Variants in KCTD1 observed in about 807,000 individuals in gnomAD.
The protein encoded by KCTD1 is potassium channel tetramerization domain containing 1.
Under a neutral mutation model 66.0 loss-of-function variants are expected in KCTD1, and 24 were observed. That is an observed-to-expected ratio of 0.36 (90% CI 0.26 to 0.51). The LOEUF (loss-of-function observed/expected upper bound fraction) is 0.51, where lower values mean the gene tolerates loss of function less well. Ranked by LOEUF, KCTD1 falls within the 20% of genes least tolerant of loss-of-function variation. KCTD1 has a pLI of 0.95. For missense variants in KCTD1, 943 were observed against 1,205.2 expected, an observed-to-expected ratio of 0.78 and a Z score of 3.22; for synonymous variants, 511 against 517.2, an observed-to-expected ratio of 0.99 and a Z score of 0.16.
chr18:26,649,235 CA>C (rs1421371537), intron 1 of KCTD1, among the ~76,000 whole-genome samples: 1 of 152,198 alleles, frequency 6.6e-6, no homozygotes, highest in Non-Finnish European at 1.5e-5. Context: ...CTTTTGGCAT[CA>C]AGTGCTCTCA....
At chr18:26,482,597 G>A (rs1297535160) in intron 2 of KCTD1, among the ~76,000 whole-genome samples, 3 of 152,164 alleles carry the variant, frequency 2.0e-5, no homozygotes, top group African/African-American at 4.8e-5. Context: ...CAATTCTGCC[G>A]AAGCTGTCTT....
At chr18:26,656,100 A>C (rs1013211809) in intron 1 of KCTD1, among the ~76,000 whole-genome samples, 3 of 152,000 alleles carry the variant, frequency 2.0e-5, no homozygotes, top group African/African-American at 7.2e-5. Context: ...GCCAAACTGA[A>C]TCCCTCCCGC....
intron 1 of KCTD1, among the ~76,000 whole-genome samples, chr18:26,590,712 G>C (rs577501929): frequency 6.6e-6 from 1 of 152,034 alleles, no homozygotes. Flanking sequence ...TATTGTTTAC[G>C]TTCCATTATG....
At position 26,455,724 on chromosome 18, in the gene KCTD1, G is replaced by T; in HGVS notation, c.*19C>A. 1 of 1,612,676 alleles carries T rather than the reference G, an allele frequency of 6.2e-7. No homozygotes were observed. The highest frequency in any genetic ancestry group is 8.5e-7 in the Non-Finnish European group (1 of 1,179,682). On this transcript the variant is annotated 3_prime_UTR_variant, in exon 5 of 5. Transcript: ENST00000580059. The stretch of plus-strand genomic sequence containing the variant: ...ATTGGTTGTGTGTGTTTTCCTTTTT[G>T]CATAAGAAATATGTCCATTTAGTCC...
rs774562209 is a variant in KCTD1 at position 26,476,483 on chromosome 18, A to T, written c.2133+32T>A. On this transcript the variant is annotated intron_variant, in intron 3 of 4. Coordinates refer to ENST00000580059, the MANE Select transcript of KCTD1 (RefSeq NM_001142730.3). The surrounding 1 kb of genome is among the most constrained non-coding windows in gnomAD (Gnocchi z 4.9). Reference sequence around the variant, plus strand: ...GAGCACATAAAAAAATCACATATTTATGCTATTGGTGATTTAACATGGATC... The same window carrying T: ...GAGCACATAAAAAAATCACATATTTTTGCTATTGGTGATTTAACATGGATC... 1.7e-5 allele frequency: 27 copies of T among 1,578,326 alleles called. No homozygotes were observed. The highest frequency in any genetic ancestry group is 2.3e-5 in the Non-Finnish European group (27 of 1,166,558).
At chr18:26,620,499 C>A (rs1471783531) in intron 1 of KCTD1, among the ~76,000 whole-genome samples, 2 of 127,316 alleles carry the variant, frequency 1.6e-5, no homozygotes, top group African/African-American at 3.1e-5. Context: ...TGTGGTGGTG[C>A]AATCACGGCT....
chr18:26,531,979 A>G (rs1362779218), intron 1 of KCTD1, among the ~76,000 whole-genome samples: 2 of 152,156 alleles, frequency 1.3e-5, no homozygotes, highest in Non-Finnish European at 2.9e-5. Flanking sequence ...AATGGGGGAG[A>G]AAGGCCTGAT....
At chr18:26,484,976 G>A (rs986482369) in intron 2 of KCTD1, among the ~76,000 whole-genome samples, 1 of 152,184 alleles carries the variant, frequency 6.6e-6, no homozygotes, top group Admixed American at 6.5e-5. Context: ...TGACCTGAGC[G>A]GGGTAGATAA....
At chr18:26,520,949 C>T (rs1983881755) in intron 1 of KCTD1, among the ~76,000 whole-genome samples, 1 of 152,248 alleles carries the variant, frequency 6.6e-6, no homozygotes, top group East Asian at 1.9e-4. Context: ...TAAGCCTTCT[C>T]ATGCTGTAAA....
chr18:26,640,485 TGA>T (rs1987813139), upstream of KCTD1: 1 of 152,174 alleles, frequency 6.6e-6, no homozygotes, highest in Admixed American at 6.6e-5. Context: ...GGAATGACAG[TGA>T]GAGGGGATGG....
chr18:26,650,957 A>T (rs944380403), intron 1 of KCTD1, among the ~76,000 whole-genome samples: 1 of 152,234 alleles, frequency 6.6e-6, no homozygotes, highest in African/African-American at 2.4e-5. Context: ...CAAGGGCTGA[A>T]TTGTTGTCAG....
At chr18:26,607,360 A>C (rs1021363666) in intron 1 of KCTD1, among the ~76,000 whole-genome samples, 19 of 152,192 alleles carry the variant, frequency 1.2e-4, no homozygotes, top group African/African-American at 4.1e-4. Context: ...TCACACCTCT[A>C]TTATAGCATG....
At chr18:26,543,552 A>T (rs1228461361) in intron 1 of KCTD1, 2 of 152,270 alleles carry the variant, frequency 1.3e-5, no homozygotes, top group African/African-American at 4.8e-5. Flanking sequence ...TTCTCCTCAA[A>T]GGTAAGTTAA....
In KCTD1 at chr18:26,478,742, C is replaced by A. The variant is rs186818039; in HGVS notation, c.1989-2083G>T. 9.9e-5 allele frequency among the ~76,000 whole-genome samples: 15 copies of A among 152,204 alleles called. No individual in the cohort carries two copies. The East Asian group carries it at 2.9e-3, about 29-fold the overall frequency. On this transcript the variant is annotated intron_variant, in intron 2 of 4. Coordinates refer to ENST00000580059, the MANE Select transcript of KCTD1 (RefSeq NM_001142730.3). ...GTTACTAGCTGTAATCTAGGTGAAT[C>A]GACTTCTCTGTCTCCATTTTTTTTA...
chr18:26,565,718 G>T (rs1985965986), intron 1 of KCTD1: 1 of 150,196 alleles, frequency 6.7e-6, no homozygotes, highest in Non-Finnish European at 1.5e-5. Flanking sequence ...AGGAGTTAGT[G>T]CCAATTTTTT....
intron 1 of KCTD1, among the ~76,000 whole-genome samples, chr18:26,627,096 C>G (rs1987517910): frequency 6.6e-6 from 1 of 152,188 alleles, no homozygotes. Flanking sequence ...AGAATCACTT[C>G]TCCTTTGTAC....
intron 1 of KCTD1, among the ~76,000 whole-genome samples, chr18:26,596,562 G>T (rs945876272): frequency 6.6e-6 from 1 of 152,186 alleles, no homozygotes; most frequent in Non-Finnish European, 1.5e-5. Flanking sequence ...GGAGTTTGGT[G>T]GTTAAACAAC....
chr18:26,548,166 T>TTGATCATATGGA lies in KCTD1; in HGVS notation c.359_370dup (p.Ile123_Asn124insIleHisMetIle). Reference sequence around the variant, plus strand: ...CTCCAGCGCGGCGCTCTGGTCCATATTGATCATATGGACCGGCTCGGGCTC... The same window carrying TTGATCATATGGA: ...CTCCAGCGCGGCGCTCTGGTCCATATTGATCATATGGATGATCATATGGACCGGCTCGGGCTC... On this transcript the variant is annotated inframe_insertion, in exon 1 of 5. Transcript: ENST00000580059. 1 of 1,484,020 alleles carries TTGATCATATGGA rather than the reference T, an allele frequency of 6.7e-7. No homozygotes were observed. Among genetic ancestry groups the TTGATCATATGGA allele is most frequent in the Non-Finnish European group, 8.9e-7 (1 of 1,119,488 alleles). 91.9% of individuals were successfully genotyped at this position (1,484,020 alleles called of 1,614,324 possible).
At chr18:26,616,155 T>TC (rs1330738343) in intron 1 of KCTD1, among the ~76,000 whole-genome samples, 1 of 108,444 alleles carries the variant, frequency 9.2e-6, no homozygotes, top group Non-Finnish European at 1.9e-5. Context: ...TTTTTTTTTT[T>TC]TCTTCTCTTT....
Sources: allele counts gnomAD v4.1 joint callset (sites outside exome capture counted in the v4.1 genomes callset), GRCh38; gene constraint gnomAD v4.1.1; non-coding constraint Gnocchi (gnomAD v3.1); transcripts MANE v1.5; gene names NCBI Gene and HGNC (gene_info 2026-07-23, HGNC 2026-07-21).